Variants in PTPRM observed in about 807,000 individuals in gnomAD.
PTPRM encodes the protein protein tyrosine phosphatase receptor type M, also known as receptor-type tyrosine-protein phosphatase mu.
Under a neutral mutation model 186.7 loss-of-function variants are expected in PTPRM, and 47 were observed. The ratio of observed to expected loss-of-function variants is 0.25; its 90% CI spans 0.20 to 0.32. The LOEUF is 0.32. Among genes scored for constraint, PTPRM ranks in the 10% least tolerant of loss-of-function variants. The pLI, the probability that PTPRM is intolerant of heterozygous loss-of-function variation, is 1.00. For synonymous variants in PTPRM, 668 were observed against 674.9 expected (o/e 0.99, Z 0.16); for missense variants, 1,494 against 1,865.0 (o/e 0.80, Z 3.66).
At chr18:8,241,440 A>G (rs996160866) in intron 14 of PTPRM, among the ~76,000 whole-genome samples, 1 of 152,262 alleles carries the variant, frequency 6.6e-6, no homozygotes, top group South Asian at 2.1e-4. Flanking sequence ...TGACATTTCC[A>G]AAGTGCTGTT....
intron 1 of PTPRM, among the ~76,000 whole-genome samples, chr18:7,622,043 A>G (rs1258248518): frequency 6.6e-6 from 1 of 152,182 alleles, no homozygotes; most frequent in Non-Finnish European, 1.5e-5. Flanking sequence ...AACCTGCCCA[A>G]CTGTCTTCTA....
rs542680690 is a variant in PTPRM, at chr18:8,388,399, C to T, written c.4208+1164C>T. The stretch of plus-strand genomic sequence containing the variant: ...GGCGTGGGTTACTCTCCAGTCAGTG[C>T]CCTTGTCTGATGCAATGCCACCTCC... On this transcript the variant is annotated intron_variant, in intron 31 of 32. Coordinates refer to ENST00000580170, the MANE Select transcript of PTPRM (RefSeq NM_001105244.2). Among the ~76,000 whole-genome samples the T allele has an allele frequency of 1.8e-4, 27 of 152,284 alleles. No individual in the cohort carries two copies. The South Asian group carries it at 5.4e-3, about 30-fold the overall frequency.
chr18:8,309,909 C>G (rs1167836748), intron 20 of PTPRM, among the ~76,000 whole-genome samples: 1 of 152,094 alleles, frequency 6.6e-6, no homozygotes, highest in Non-Finnish European at 1.5e-5. Context: ...AAAGTGAAAT[C>G]AAAGGACTAT....
intron 14 of PTPRM, among the ~76,000 whole-genome samples, chr18:8,181,166 C>A (rs562583782): frequency 2.0e-5 from 3 of 152,376 alleles, no homozygotes; most frequent in South Asian, 4.1e-4. Context: ...AAACAGAAAT[C>A]TTTGCCCTTC....
At chr18:7,833,117 C>A (rs2045844810) in intron 2 of PTPRM, among the ~76,000 whole-genome samples, 1 of 152,010 alleles carries the variant, frequency 6.6e-6, no homozygotes, top group African/African-American at 2.4e-5. Context: ...TTTGGGGTTC[C>A]ATATACATTT....
Position 8,165,842 on chromosome 18 carries a change from G to A in PTPRM, c.2300+22063G>A, listed in dbSNP as rs1346069688. Among the ~76,000 whole-genome samples the A allele has an allele frequency of 2.0e-5, 3 of 152,186 alleles. No individual in the cohort carries two copies. The East Asian group carries it at 5.8e-4, about 29-fold the overall frequency. ...CACACAGCTCCCCACGTGCAGAATT[G>A]TGCAGTTCCCCCCTTATGGGCTTGA... On this transcript the variant is annotated intron_variant, in intron 14 of 32. Coordinates refer to ENST00000580170, the MANE Select transcript of PTPRM (RefSeq NM_001105244.2).
intron 19 of PTPRM, among the ~76,000 whole-genome samples, chr18:8,283,326 A>G (rs1468333337): frequency 6.6e-6 from 1 of 152,266 alleles, no homozygotes; most frequent in Non-Finnish European, 1.5e-5. Context: ...AAAGCTTTTT[A>G]AAATCTATTT....
At chr18:7,651,439 G>A (rs894723288) in intron 1 of PTPRM, among the ~76,000 whole-genome samples, 6 of 152,064 alleles carry the variant, frequency 3.9e-5, no homozygotes, top group South Asian at 2.1e-4. Context: ...AGCCCGCATC[G>A]CCAAGTCAAT....
intron 14 of PTPRM, among the ~76,000 whole-genome samples, chr18:8,241,194 T>C (rs2094431559): frequency 6.6e-6 from 1 of 152,072 alleles, no homozygotes; most frequent in Admixed American, 6.6e-5. Flanking sequence ...AAAAATTAGC[T>C]GGGTGTGGTG....
chr18:8,169,237 C>T (rs376689239), intron 14 of PTPRM, among the ~76,000 whole-genome samples: 32 of 151,812 alleles, frequency 2.1e-4, no homozygotes, highest in Non-Finnish European at 3.8e-4. Context: ...CTTTCTCTTC[C>T]GCTCGAAAAG....
At chr18:8,266,971 C>T (rs943457801) in intron 19 of PTPRM, among the ~76,000 whole-genome samples, 1 of 152,140 alleles carries the variant, frequency 6.6e-6, no homozygotes, top group Non-Finnish European at 1.5e-5. Context: ...AAAACTTCTT[C>T]ACTCCCTTTA....
In PTPRM at chr18:7,902,962, T is replaced by C. The variant is rs184607536; in HGVS notation, c.469-3543T>C. On this transcript the variant is annotated intron_variant, in intron 3 of 32. Coordinates refer to ENST00000580170, the MANE Select transcript of PTPRM (RefSeq NM_001105244.2). ...TTAAAAGTAGATTCACACGAGCACG[T>C]CTCACATGTACACTATGTTCTAAAA... Among the ~76,000 whole-genome samples the C allele has an allele frequency of 3.3e-4, 50 of 152,234 alleles. No individual in the cohort carries two copies. The East Asian group carries it at 7.7e-3, about 24-fold the overall frequency.
intron 7 of PTPRM, among the ~76,000 whole-genome samples, chr18:7,973,611 G>A (rs1272873135): frequency 1.3e-5 from 2 of 151,872 alleles, no homozygotes; most frequent in Non-Finnish European, 2.9e-5. Flanking sequence ...TTTGTCATAT[G>A]TTTTCAAAAT....
intron 7 of PTPRM, among the ~76,000 whole-genome samples, chr18:8,003,213 G>A (rs2147787696): frequency 6.6e-6 from 1 of 152,246 alleles, no homozygotes; most frequent in African/African-American, 2.4e-5. Context: ...TCTTGTGGTA[G>A]TGAATAAGTC....
chr18:7,824,903 G>A (rs1023391140), intron 2 of PTPRM, among the ~76,000 whole-genome samples: 2 of 152,060 alleles, frequency 1.3e-5, no homozygotes, highest in African/African-American at 4.8e-5. Context: ...TGCTTGCTGG[G>A]GCTCCCAGGA....
intron 14 of PTPRM, among the ~76,000 whole-genome samples, chr18:8,200,721 T>TA (rs543350504): frequency 4.3e-4 from 65 of 152,332 alleles, no homozygotes; most frequent in South Asian, 6.2e-4. Flanking sequence ...CAAAAAGTTA[T>TA]AAAAATAGTA....
chr18:7,645,894 T>G (rs2038549739), intron 1 of PTPRM, among the ~76,000 whole-genome samples: 1 of 152,178 alleles, frequency 6.6e-6, no homozygotes, highest in Non-Finnish European at 1.5e-5. Flanking sequence ...AGCCAGGGTT[T>G]TGTCAGTCTG....
chr18:8,211,779 G>A (rs2094009379), intron 14 of PTPRM, among the ~76,000 whole-genome samples: 2 of 152,126 alleles, frequency 1.3e-5, no homozygotes, highest in Non-Finnish European at 2.9e-5. Context: ...GATGTGGAGT[G>A]GGAGATCTGA....
At chr18:8,236,210 T>C (rs571568858) in intron 14 of PTPRM, among the ~76,000 whole-genome samples, 1 of 152,332 alleles carries the variant, frequency 6.6e-6, no homozygotes, top group Admixed American at 6.5e-5. Context: ...TATTTCTCCT[T>C]GCAATTCTAT....
Sources: gnomAD v4.1 joint callset for allele counts (sites outside exome capture counted in the v4.1 genomes callset) on GRCh38, gnomAD v4.1.1 for gene constraint, MANE v1.5 for transcripts, NCBI Gene and HGNC (gene_info 2026-07-23, HGNC 2026-07-21) for gene names.